TSPEAR: variants seen among roughly 807,000 people sequenced by gnomAD.
TSPEAR encodes thrombospondin-type laminin G domain and EAR repeat-containing protein.
TSPEAR carries 69 observed loss-of-function variants against 71.6 expected under a neutral mutation model. The observed-to-expected ratio is 0.96, with a 90% confidence interval of 0.79 to 1.18. TSPEAR has a LOEUF of 1.18. TSPEAR is among the 50% of genes most tolerant of loss of function. The pLI, the probability that TSPEAR is intolerant of heterozygous loss-of-function variation, is 0.00. For synonymous variants in TSPEAR, 402 were observed against 387.2 expected, an observed-to-expected ratio of 1.04 and a Z score of -0.45; for missense variants, 971 against 894.9, an observed-to-expected ratio of 1.09 and a Z score of -1.09.
intron 1 of TSPEAR, among the ~76,000 whole-genome samples, chr21:44,594,025 G>A (rs1456534653): frequency 6.6e-6 from 1 of 152,188 alleles, no homozygotes; most frequent in Non-Finnish European, 1.5e-5. Flanking sequence ...TGTGTCCTGA[G>A]AAGACTTCTG....
chr21:44,645,861 C>A (rs1029718839), intron 1 of TSPEAR, among the ~76,000 whole-genome samples: 1 of 151,818 alleles, frequency 6.6e-6, no homozygotes, highest in Non-Finnish European at 1.5e-5. Context: ...ATTTTCCGGC[C>A]GGACGCGGTG....
Position 44,612,359 on chromosome 21 carries a change from C to CA in TSPEAR, c.83-44355dup. 6.2e-7 allele frequency: 1 copy of CA among 1,613,950 alleles called. No homozygotes were observed. Among genetic ancestry groups the CA allele is most frequent in the Non-Finnish European group, 8.5e-7 (1 of 1,180,022 alleles). The stretch of plus-strand genomic sequence containing the variant: ...AGTGAGCTGTGAGCCCAGCCCCTGC[C>CA]AATCAGGCTGCACCGACTCCTGCAC... On this transcript the variant is annotated intron_variant, in intron 1 of 11. Coordinates refer to ENST00000323084, the MANE Select transcript of TSPEAR (RefSeq NM_144991.3). The surrounding 1 kb of genome is among the most constrained non-coding windows in gnomAD (Gnocchi z 4.1).
At position 44,612,054 on chromosome 21, in the gene TSPEAR, C is replaced by A; in HGVS notation, c.83-44049G>T. ...ACCTCAGCAGCCAGGGCACACAAAC[C>A]CACACACCTCACACCAGCACTCACA... On this transcript the variant is annotated intron_variant, in intron 1 of 11. Coordinates refer to ENST00000323084, the MANE Select transcript of TSPEAR (RefSeq NM_144991.3). This position sits in a 1 kb window ranked among gnomAD's most constrained non-coding sequence, Gnocchi z 4.1. 1 of 1,580,964 alleles carries A rather than the reference C, an allele frequency of 6.3e-7. No individual in the cohort carries two copies. Among genetic ancestry groups the A allele is most frequent in the South Asian group, 1.1e-5 (1 of 87,176 alleles).
At chr21:44,509,800 A>G (rs1414618557) in intron 9 of TSPEAR, 6 of 223,372 alleles carry the variant, frequency 2.7e-5, no homozygotes, top group Non-Finnish European at 5.4e-5. Context: ...CTTCTCAGCA[A>G]TCCATGCCTT....
At chr21:44,691,595 A>G (rs1987126915) in intron 1 of TSPEAR, among the ~76,000 whole-genome samples, 1 of 152,234 alleles carries the variant, frequency 6.6e-6, no homozygotes, top group African/African-American at 2.4e-5. Context: ...ACATTGACAG[A>G]ATTCAAGTGA....
At chr21:44,640,100 C>T (rs1207357029) in intron 1 of TSPEAR, among the ~76,000 whole-genome samples, 3 of 152,210 alleles carry the variant, frequency 2.0e-5, no homozygotes, top group Non-Finnish European at 2.9e-5. Context: ...GTACACAGCA[C>T]CACTGACAGT....
chr21:44,542,228 G>A (rs1555917293), intron 2 of TSPEAR, among the ~76,000 whole-genome samples: 1 of 152,124 alleles, frequency 6.6e-6, no homozygotes, highest in African/African-American at 2.4e-5. Flanking sequence ...GAGAAGATTA[G>A]TAAAGGAAGG....
chr21:44,526,767 T>G (rs1280926243), intron 7 of TSPEAR, among the ~76,000 whole-genome samples: 1 of 152,172 alleles, frequency 6.6e-6, no homozygotes, highest in Non-Finnish European at 1.5e-5. Flanking sequence ...TCCTTCCCAT[T>G]GGGATGTCAA....
At chr21:44,590,818 C>T (rs2146121020) in intron 1 of TSPEAR, among the ~76,000 whole-genome samples, 1 of 152,120 alleles carries the variant, frequency 6.6e-6, no homozygotes, top group South Asian at 2.1e-4. Context: ...GGCCTTGGTT[C>T]CAGAGGCAGC....
intron 8 of TSPEAR, among the ~76,000 whole-genome samples, chr21:44,522,453 G>A (rs115689753): frequency 2.5e-3 from 387 of 152,254 alleles, no homozygotes; most frequent in African/African-American, 8.9e-3. Context: ...CATCCCCACA[G>A]GCCAGGCCTT....
At chr21:44,558,059 G>T in intron 2 of TSPEAR, 1 of 1,605,622 alleles carries the variant, frequency 6.2e-7, no homozygotes. Context: ...GTCAGCAGCT[G>T]GACTTCTGGC....
At chr21:44,628,935 G>A (rs1555935217) in intron 1 of TSPEAR, among the ~76,000 whole-genome samples, 1 of 129,704 alleles carries the variant, frequency 7.7e-6, no homozygotes, top group East Asian at 2.5e-4. Context: ...GTGCTGGGCT[G>A]GGTGGGTGGA....
intron 1 of TSPEAR, among the ~76,000 whole-genome samples, chr21:44,660,148 A>G (rs1459966917): frequency 2.6e-5 from 4 of 152,236 alleles, no homozygotes; most frequent in Non-Finnish European, 5.9e-5. Flanking sequence ...ATCCTCATTT[A>G]TGGATGTAAT....
intron 2 of TSPEAR, among the ~76,000 whole-genome samples, chr21:44,554,729 C>T (rs587769888): frequency 1.2e-3 from 186 of 152,264 alleles, no homozygotes; most frequent in African/African-American, 4.2e-3. Flanking sequence ...CTGGATGTAC[C>T]GGGTTAAATA....
At chr21:44,594,198 G>A (rs1200066035) in intron 1 of TSPEAR, among the ~76,000 whole-genome samples, 1 of 152,206 alleles carries the variant, frequency 6.6e-6, no homozygotes, top group African/African-American at 2.4e-5. Context: ...AGAGTGATAA[G>A]ACTCACAGAA....
chr21:44,519,030 GT>G (rs587613806), intron 9 of TSPEAR: 263 of 171,272 alleles, frequency 1.5e-3, no homozygotes, highest in South Asian at 3.7e-3. Context: ...TGCTTTTGTT[GT>G]TTTTTTTTTG....
chr21:44,555,471 T>A (rs1555919624), intron 2 of TSPEAR, among the ~76,000 whole-genome samples: 2 of 152,128 alleles, frequency 1.3e-5, no homozygotes, highest in Non-Finnish European at 2.9e-5. Flanking sequence ...GCAGCCTGGC[T>A]CAGGACTCCC....
At chr21:44,677,396 G>A (rs1986367816) in intron 1 of TSPEAR, 2 of 1,270,892 alleles carry the variant, frequency 1.6e-6, no homozygotes, top group Admixed American at 3.4e-5. Context: ...GGACCACAGT[G>A]TTCTGAGCTG....
chr21:44,666,253 T>C, intron 1 of TSPEAR: 1 of 668,520 alleles, frequency 1.5e-6, no homozygotes, highest in African/African-American at 1.8e-5. Context: ...GACCCCAGAC[T>C]TCCCTGGGGG....
Sources: allele counts gnomAD v4.1 joint callset (sites outside exome capture counted in the v4.1 genomes callset), GRCh38; gene constraint gnomAD v4.1.1; non-coding constraint Gnocchi (gnomAD v3.1); transcripts MANE v1.5; gene names NCBI Gene and HGNC (gene_info 2026-07-23, HGNC 2026-07-21).